Variants in FBP2 observed in about 807,000 individuals in gnomAD.
The protein encoded by FBP2 is fructose-1,6-bisphosphatase isozyme 2.
A neutral mutation model predicts 31.6 loss-of-function variants in FBP2; 27 were observed. The observed-to-expected ratio is 0.85, with a 90% CI of 0.63 to 1.18. FBP2 has a LOEUF of 1.18. FBP2 is among the 50% of genes most tolerant of loss of function. The pLI is 0.00. For synonymous variants in FBP2, 168 were observed against 179.8 expected, an observed-to-expected ratio of 0.93 and a Z score of 0.53; for missense variants, 421 against 436.1, an observed-to-expected ratio of 0.97 and a Z score of 0.31.
intron 3 of FBP2, among the ~76,000 whole-genome samples, chr9:94,573,626 C>T (rs1827290515): frequency 6.6e-6 from 1 of 152,282 alleles, no homozygotes; most frequent in East Asian, 1.9e-4. Flanking sequence ...TGGTGGATTA[C>T]ACTGACTGAT....
In FBP2 at chr9:94,587,618, G is replaced by A. The variant is rs1308657235; in HGVS notation, c.171-149C>T. On this transcript the variant is annotated intron_variant, in intron 1 of 6. Transcript: ENST00000375337. ...CACACGTGCAGAAGAAGGCGATTAT[G>A]CCTGGCAGGATACCTCTCAGCCTTG... 4.2e-6 allele frequency: 3 copies of A among 718,854 alleles called. No homozygotes were observed. In the African/African-American group the frequency reaches 5.3e-5, roughly 13 times the overall value. The allele number at this position is 718,854 out of a possible 1,614,324, so 44.5% of individuals were successfully genotyped here.
chr9:94,569,268 A>G (rs1827238615), intron 4 of FBP2: 1 of 152,314 alleles, frequency 6.6e-6, no homozygotes, highest in South Asian at 2.1e-4. Flanking sequence ...TGTCCAGGCC[A>G]GACCGGCCAT....
At chr9:94,581,555 A>G (rs1474682122) in intron 3 of FBP2, among the ~76,000 whole-genome samples, 1 of 152,200 alleles carries the variant, frequency 6.6e-6, no homozygotes, top group Non-Finnish European at 1.5e-5. Context: ...TCCCTGGGCC[A>G]TAGGGGTCCC....
intron 1 of FBP2, among the ~76,000 whole-genome samples, chr9:94,590,019 CCT>C (rs1359258118): frequency 6.6e-6 from 1 of 152,106 alleles, no homozygotes; most frequent in East Asian, 1.9e-4. Flanking sequence ...TGAGAAACAG[CCT>C]CTGTCCTGCG....
At chr9:94,559,529 A>G (rs1249226157) in intron 6 of FBP2, among the ~76,000 whole-genome samples, 3 of 152,188 alleles carry the variant, frequency 2.0e-5, no homozygotes, top group Non-Finnish European at 2.9e-5. Context: ...TAAAGAGTCA[A>G]GCTTGGATGG....
intron 6 of FBP2, among the ~76,000 whole-genome samples, chr9:94,560,824 C>CT: frequency 6.7e-6 from 1 of 149,978 alleles, no homozygotes; most frequent in Middle Eastern, 3.5e-3. Context: ...AACATGATGC[C>CT]TTTGGTCTAG....
At chr9:94,583,781 T>C (rs538495660) in intron 3 of FBP2, among the ~76,000 whole-genome samples, 1 of 152,324 alleles carries the variant, frequency 6.6e-6, no homozygotes, top group African/African-American at 2.4e-5. Context: ...GTATTTTTAG[T>C]AGAGACGGGG....
intron 4 of FBP2, chr9:94,570,516 T>G (rs771285107): frequency 6.6e-6 from 1 of 152,184 alleles, no homozygotes; most frequent in Non-Finnish European, 1.5e-5. Flanking sequence ...TCCTACCACT[T>G]ACGAAGAATT....
intron 3 of FBP2, among the ~76,000 whole-genome samples, chr9:94,582,119 C>A (rs1827377266): frequency 1.3e-5 from 2 of 152,194 alleles, no homozygotes; most frequent in African/African-American, 4.8e-5. Context: ...AGTAGCTCTC[C>A]TGATAAAAGA....
chr9:94,561,861 G>T (rs887876638), intron 6 of FBP2, among the ~76,000 whole-genome samples: 1 of 152,194 alleles, frequency 6.6e-6, no homozygotes, highest in African/African-American at 2.4e-5. Context: ...AGCAAACGCA[G>T]ATCTATCTAT....
intron 3 of FBP2, chr9:94,573,090 A>G (rs866239830): frequency 2.0e-5 from 3 of 152,184 alleles, no homozygotes. Flanking sequence ...TGTGCTGGCT[A>G]CAACTTTCAG....
At chr9:94,585,603 G>A (rs142724389) in intron 2 of FBP2, among the ~76,000 whole-genome samples, 6 of 152,258 alleles carry the variant, frequency 3.9e-5, no homozygotes, top group African/African-American at 1.4e-4. Context: ...CAGAGACCTA[G>A]AAAGCAAAAT....
intron 4 of FBP2, chr9:94,570,928 A>G (rs1827262268): frequency 6.6e-6 from 1 of 152,244 alleles, no homozygotes; most frequent in South Asian, 2.1e-4. Flanking sequence ...CTGTAAATCA[A>G]AAACTTAAAT....
At chr9:94,562,641 C>G (rs1280856842) in intron 6 of FBP2, among the ~76,000 whole-genome samples, 2 of 152,056 alleles carry the variant, frequency 1.3e-5, no homozygotes, top group Non-Finnish European at 2.9e-5. Flanking sequence ...AAAACAGAGG[C>G]CTTTATTTGA....
intron 4 of FBP2, 75 bp from the exon 5 acceptor site, chr9:94,567,482 G>C: frequency 6.4e-7 from 1 of 1,564,694 alleles, no homozygotes; most frequent in Non-Finnish European, 8.7e-7. Flanking sequence ...CCCCACATCA[G>C]AGCAGGAGAA....
chr9:94,587,237 G>A, intron 2 of FBP2, 70 bp downstream of exon 2: 1 of 1,374,402 alleles, frequency 7.3e-7, no homozygotes, highest in Non-Finnish European at 1.0e-6. Context: ...TTAAAGAAAA[G>A]TAAGGCAGCT....
At chr9:94,563,587 G>A in intron 5 of FBP2, 126 bp from the exon 6 acceptor site, 1 of 1,024,204 alleles carries the variant, frequency 9.8e-7, no homozygotes, top group Non-Finnish European at 1.4e-6. Flanking sequence ...ACCCACTAGT[G>A]TAGGAATTGA....
intron 4 of FBP2, 35 bp from the exon 5 acceptor site, chr9:94,567,442 A>T: frequency 6.4e-7 from 1 of 1,574,006 alleles, no homozygotes; most frequent in Non-Finnish European, 8.6e-7. Flanking sequence ...GGAAGAAGAG[A>T]GAAGCCAGGA....
intron 6 of FBP2, among the ~76,000 whole-genome samples, chr9:94,559,566 G>C (rs972361517): frequency 6.6e-6 from 1 of 150,438 alleles, no homozygotes; most frequent in South Asian, 2.1e-4. Context: ...TGACCATGCC[G>C]GCTTGTCTCT....
Sources: allele counts gnomAD v4.1 joint callset (sites outside exome capture counted in the v4.1 genomes callset), GRCh38; gene constraint gnomAD v4.1.1; transcripts MANE v1.5; gene names NCBI Gene and HGNC (gene_info 2026-07-23, HGNC 2026-07-21).